Variants in LRP1B observed in about 807,000 individuals in gnomAD.
LRP1B encodes low-density lipoprotein receptor-related protein 1B.
Under a neutral mutation model 556.6 loss-of-function variants are expected in LRP1B, and 217 were observed. The ratio of observed to expected loss-of-function variants is 0.39; its 90% CI spans 0.35 to 0.44. LRP1B has a LOEUF of 0.44. Among genes scored for constraint, LRP1B ranks in the 20% least tolerant of loss-of-function variants. The pLI is 1.00. For missense variants in LRP1B, 5,053 were observed against 5,620.8 expected, an observed-to-expected ratio of 0.90 and a Z score of 3.23; for synonymous variants, 2,047 against 1,865.8, an observed-to-expected ratio of 1.10 and a Z score of -2.50.
intron 2 of LRP1B, among the ~76,000 whole-genome samples, chr2:141,521,557 G>C (rs932959718): frequency 6.6e-6 from 1 of 151,372 alleles, no homozygotes; most frequent in Non-Finnish European, 1.5e-5. Context: ...TATTGATCCT[G>C]CCAGTTGCAT....
chr2:142,085,233 T>A (rs575438325), intron 1 of LRP1B, among the ~76,000 whole-genome samples: 16 of 152,172 alleles, frequency 1.1e-4, no homozygotes, highest in Non-Finnish European at 2.4e-4. Context: ...TAAGTCAAAG[T>A]TTAACCTTCT....
At chr2:140,735,420 C>A (rs1046489479) in intron 35 of LRP1B, among the ~76,000 whole-genome samples, 2 of 152,106 alleles carry the variant, frequency 1.3e-5, no homozygotes, top group Non-Finnish European at 2.9e-5. Flanking sequence ...TACAAAGAGG[C>A]TCATAACTCC....
rs750202887 is a variant in LRP1B, at chr2:140,371,285, G to A, written c.10769C>T (p.Ala3590Val). 2.6e-6 allele frequency: 4 copies of A among 1,522,120 alleles called. No homozygotes were observed. In the South Asian group the frequency reaches 3.8e-5, roughly 15 times the overall value. 94.3% of individuals were successfully genotyped at this position (1,522,120 alleles called of 1,614,324 possible). A position where few individuals can be genotyped will look rare whatever the true frequency, so the allele number is the denominator to read the frequency against. Residue 3590 changes from alanine to valine, a missense_variant and splice_region_variant, in exon 70 of 91, where the codon GCT becomes GTT. Around this residue, in one of 5 missense-constraint regions of LRP1B, gnomAD observed 599 missense variants for 648.4 expected, o/e 0.92. Coordinates refer to ENST00000389484, the MANE Select transcript of LRP1B (RefSeq NM_018557.3). ...YGEDEKSCEPASPTCSSREYI... is the reference protein window; with the variant it reads ...YGEDEKSCEPVSPTCSSREYI... Reference sequence around the variant, plus strand: ...TTCACGTGATGAGCAAGTAGGAGAAGCTGAATACAATTATAAATTTGAAAT... The same window carrying A: ...TTCACGTGATGAGCAAGTAGGAGAAACTGAATACAATTATAAATTTGAAAT...
chr2:140,772,512 G>T (rs2104942754), intron 33 of LRP1B, among the ~76,000 whole-genome samples: 1 of 152,130 alleles, frequency 6.6e-6, no homozygotes, highest in Non-Finnish European at 1.5e-5. Context: ...ATTTCACCAT[G>T]TTGGCCAGGC....
chr2:141,775,171 G>A (rs563987267), intron 2 of LRP1B, among the ~76,000 whole-genome samples: 1 of 152,290 alleles, frequency 6.6e-6, no homozygotes, highest in African/African-American at 2.4e-5. Context: ...CCTGAGTATT[G>A]TGCCTAGCAC....
chr2:141,573,141 A>G (rs758406017), intron 2 of LRP1B, among the ~76,000 whole-genome samples: 1 of 152,206 alleles, frequency 6.6e-6, no homozygotes, highest in Non-Finnish European at 1.5e-5. Flanking sequence ...TCAATAGACT[A>G]TACATTCTTC....
chr2:141,984,626 T>C (rs1702134208), intron 1 of LRP1B, among the ~76,000 whole-genome samples: 1 of 152,176 alleles, frequency 6.6e-6, no homozygotes, highest in Non-Finnish European at 1.5e-5. Context: ...CTACCTGGGG[T>C]ACCTTGCTAT....
intron 1 of LRP1B, among the ~76,000 whole-genome samples, chr2:142,111,390 GT>G (rs1003619693): frequency 4.6e-5 from 7 of 152,056 alleles, no homozygotes; most frequent in Non-Finnish European, 1.0e-4. Context: ...ACCCTAATGT[GT>G]GTTTTGTAAA....
At chr2:141,230,141 A>G (rs1683404948) in intron 5 of LRP1B, among the ~76,000 whole-genome samples, 1 of 152,228 alleles carries the variant, frequency 6.6e-6, no homozygotes, top group Non-Finnish European at 1.5e-5. Flanking sequence ...TTTCAACAGC[A>G]TATTTAAACG....
chr2:140,506,064 C>T (rs1689395426), intron 53 of LRP1B, among the ~76,000 whole-genome samples: 1 of 151,552 alleles, frequency 6.6e-6, no homozygotes, highest in African/African-American at 2.4e-5. Context: ...TACATCAAAA[C>T]ATAAAGGGTA....
At chr2:141,214,432 G>A (rs890738871) in intron 6 of LRP1B, among the ~76,000 whole-genome samples, 4 of 152,050 alleles carry the variant, frequency 2.6e-5, no homozygotes, top group East Asian at 3.9e-4. Flanking sequence ...ATATAGTATT[G>A]GGATTGCAAA....
chr2:141,684,673 C>A (rs1434845689), intron 2 of LRP1B, among the ~76,000 whole-genome samples: 2 of 151,988 alleles, frequency 1.3e-5, no homozygotes, highest in Non-Finnish European at 2.9e-5. Context: ...AATTCCTTAG[C>A]CATCTCAGCA....
chr2:141,202,134 C>T (rs1682051613), intron 6 of LRP1B, among the ~76,000 whole-genome samples: 1 of 152,154 alleles, frequency 6.6e-6, no homozygotes, highest in Admixed American at 6.6e-5. Context: ...TGACAGGCCT[C>T]AGTGTGTTGT....
At chr2:141,809,363 T>G (rs72848482) in intron 2 of LRP1B, among the ~76,000 whole-genome samples, 14,047 of 152,146 alleles carry the variant, frequency 0.092, 691 homozygotes, top group Non-Finnish European at 0.1. Flanking sequence ...CAATATCAAG[T>G]AATGAAGACG....
At position 140,700,331 on chromosome 2, in the gene LRP1B, G is replaced by T. The variant is rs111904937; in HGVS notation, c.6718C>A (p.Arg2240=). The T allele has an allele frequency of 2.2e-5, 35 of 1,612,498 alleles. 2 individuals carry two copies. The African/African-American group carries it at 2.9e-4, about 14-fold the overall frequency. The change falls in exon 41 of 91, where the codon CGA becomes AGA. Residue 2240 remains arginine, a synonymous_variant. Transcript: ENST00000389484. ...DYNQRRKGTN[R]IFYSDAHFGN... is the part of the protein sequence containing the mutation. ...AAGTGTGCATCACTGTAAAAGATTC[G>T]GTTGGTACCTTTTCTTCTTTGATTA...
intron 3 of LRP1B, among the ~76,000 whole-genome samples, chr2:141,282,756 T>C (rs1199854004): frequency 6.6e-6 from 1 of 152,040 alleles, no homozygotes; most frequent in African/African-American, 2.4e-5. Context: ...TTGTTTATGA[T>C]TGTAGAAGTG....
rs772425766 is a variant in LRP1B, at chr2:140,541,740, T to C, written c.7387+39A>G. 5.4e-6 allele frequency: 8 copies of C among 1,476,806 alleles called. No homozygotes were observed. In the South Asian group the frequency reaches 7.3e-5, roughly 14 times the overall value. 91.5% of individuals were successfully genotyped at this position (1,476,806 alleles called of 1,614,324 possible). A position where few individuals can be genotyped will look rare whatever the true frequency, so the allele number is the denominator to read the frequency against. On this transcript the variant is annotated intron_variant, in intron 44 of 90. Transcript: ENST00000389484. ...ATACATTTTTAGAGATCAGAGATTA[T>C]ACAATGAAAAAACACATTTGCTTTC...
At position 142,091,769 on chromosome 2, in the gene LRP1B, C is replaced by CTA. The variant is rs1470169620; in HGVS notation, c.82+38878_82+38879insTA. Among the ~76,000 whole-genome samples, 4 of 152,310 alleles carry CTA rather than the reference C, an allele frequency of 2.6e-5. No homozygotes were observed. The East Asian group carries it at 7.7e-4, about 29-fold the overall frequency. Reference sequence around the variant, plus strand: ...ATTGGTCTAAGAAAGTCATGACTAGCATACTCACCCTTTCCAGAAATTCTC... The same window carrying CTA: ...ATTGGTCTAAGAAAGTCATGACTAGCTAATACTCACCCTTTCCAGAAATTCTC... On this transcript the variant is annotated intron_variant, in intron 1 of 90. Coordinates refer to ENST00000389484, the MANE Select transcript of LRP1B (RefSeq NM_018557.3).
intron 1 of LRP1B, among the ~76,000 whole-genome samples, chr2:142,121,320 T>G (rs1707451077): frequency 6.6e-6 from 1 of 152,118 alleles, no homozygotes; most frequent in African/African-American, 2.4e-5. Flanking sequence ...TCACCTCTGA[T>G]TAGACAGCCA....
Sources: gnomAD v4.1 joint callset for allele counts (sites outside exome capture counted in the v4.1 genomes callset) on GRCh38, gnomAD v4.1.1 for gene constraint, gnomAD v4.1.1 regional missense constraint, MANE v1.5 for transcripts, NCBI Gene and HGNC (gene_info 2026-07-23, HGNC 2026-07-21) for gene names.